ADAMTS3: variants seen among roughly 807,000 people sequenced by gnomAD.
ADAMTS3 encodes A disintegrin and metalloproteinase with thrombospondin motifs 3.
Under a neutral mutation model 129.0 loss-of-function variants are expected in ADAMTS3, and 73 were observed. That is an observed-to-expected ratio of 0.57 (90% CI 0.47 to 0.69). The LOEUF is 0.69. Among genes scored for constraint, ADAMTS3 ranks in the 30% least tolerant of loss-of-function variants. The pLI, the probability that ADAMTS3 is intolerant of heterozygous loss-of-function variation, is 0.00. For missense variants in ADAMTS3, 1,457 were observed against 1,514.5 expected, an observed-to-expected ratio of 0.96 and a Z score of 0.63; for synonymous variants, 477 against 510.8, an observed-to-expected ratio of 0.93 and a Z score of 0.89.
chr4:72,346,861 T>C (rs1002804824), intron 4 of ADAMTS3, among the ~76,000 whole-genome samples: 2 of 152,070 alleles, frequency 1.3e-5, no homozygotes, highest in African/African-American at 2.4e-5. Context: ...TCATCTCACT[T>C]TTCTCCTCTA....
At chr4:72,305,887 CAT>C (rs1187626184) in intron 16 of ADAMTS3, 98 bp downstream of exon 16, 3 of 967,698 alleles carry the variant, frequency 3.1e-6, no homozygotes, top group African/African-American at 3.3e-5. Flanking sequence ...TACGTATGCA[CAT>C]ATATGTGTAC....
At chr4:72,510,759 C>T (rs1235899798) in intron 3 of ADAMTS3, among the ~76,000 whole-genome samples, 2 of 125,828 alleles carry the variant, frequency 1.6e-5, no homozygotes, top group African/African-American at 3.0e-5. Context: ...ATAGAAAAAT[C>T]AATCCTAAAA....
At chr4:72,452,057 C>A (rs1413787442) in intron 3 of ADAMTS3, among the ~76,000 whole-genome samples, 3 of 151,720 alleles carry the variant, frequency 2.0e-5, no homozygotes, top group Non-Finnish European at 4.4e-5. Flanking sequence ...CCACTGCACT[C>A]CATGCACTCC....
chr4:72,406,197 A>C (rs994169238), intron 4 of ADAMTS3, among the ~76,000 whole-genome samples: 2 of 152,126 alleles, frequency 1.3e-5, no homozygotes, highest in African/African-American at 4.8e-5. Flanking sequence ...TGTACTAATG[A>C]CAGCAGACTA....
At position 72,548,772 on chromosome 4, in the gene ADAMTS3, C is replaced by A; in HGVS notation, c.210G>T (p.Ala70=). The A allele has an allele frequency of 6.2e-7, 1 of 1,613,918 alleles. No individual in the cohort carries two copies. Among genetic ancestry groups the A allele is most frequent in the South Asian group, 1.1e-5 (1 of 91,074 alleles). Residue 70 remains alanine, a synonymous_variant, in exon 3 of 22, where the codon GCG becomes GCT. Transcript: ENST00000286657. ...TLSASHKKRS[A]RDVSSNPEQL... is the part of the protein sequence containing the mutation. ...GCTCAGGGTTGGAAGACACGTCCCT[C>A]GCTGACCTCTTTTTGTGACTCGCAG... is the stretch of plus-strand genomic sequence containing the variant.
Position 72,369,758 on chromosome 4 carries a change from C to T in ADAMTS3, c.662-30065G>A, listed in dbSNP as rs1209127860. Among the ~76,000 whole-genome samples the T allele has an allele frequency of 6.1e-5, 8 of 130,380 alleles. No individual in the cohort carries two copies. In the East Asian group the frequency reaches 1.8e-3, roughly 30 times the overall value. The allele number at this position is 130,380 out of a possible 152,430, so 85.5% of individuals were successfully genotyped here. ...AAAAAAAAAATAAACAGACAAAGTA[C>T]AAAAAAAAAAAACTTTGAAGGTGTT... On this transcript the variant is annotated intron_variant, in intron 4 of 21. Coordinates refer to ENST00000286657, the MANE Select transcript of ADAMTS3 (RefSeq NM_014243.3).
chr4:72,557,943 CATT>C (rs752799472), intron 2 of ADAMTS3, among the ~76,000 whole-genome samples: 1 of 151,796 alleles, frequency 6.6e-6, no homozygotes, highest in Non-Finnish European at 1.5e-5. Flanking sequence ...TATTTAGCAT[CATT>C]AAGAATCTTA....
chr4:72,518,879 T>C (rs1167538954), intron 3 of ADAMTS3, among the ~76,000 whole-genome samples: 1 of 152,004 alleles, frequency 6.6e-6, no homozygotes, highest in Non-Finnish European at 1.5e-5. Flanking sequence ...ATCCTGTCAT[T>C]ATGATGTTAG....
intron 3 of ADAMTS3, among the ~76,000 whole-genome samples, chr4:72,462,091 C>T (rs1052088210): frequency 7.2e-5 from 11 of 151,746 alleles, no homozygotes; most frequent in African/African-American, 2.7e-4. Context: ...AGAGTTATGA[C>T]TTTAAAAACA....
At chr4:72,512,277 A>C (rs1233034904) in intron 3 of ADAMTS3, among the ~76,000 whole-genome samples, 1 of 152,102 alleles carries the variant, frequency 6.6e-6, no homozygotes, top group Non-Finnish European at 1.5e-5. Flanking sequence ...GGATCACTTG[A>C]GGTCAGGAGT....
At chr4:72,338,489 C>T (rs1720045593) in intron 5 of ADAMTS3, among the ~76,000 whole-genome samples, 1 of 151,966 alleles carries the variant, frequency 6.6e-6, no homozygotes, top group African/African-American at 2.4e-5. Flanking sequence ...CTCAATAGAC[C>T]AAAATATAAT....
chr4:72,537,031 A>T (rs1472755833), intron 3 of ADAMTS3, among the ~76,000 whole-genome samples: 1 of 152,232 alleles, frequency 6.6e-6, no homozygotes, highest in Non-Finnish European at 1.5e-5. Context: ...CTGTCTGATG[A>T]TAGGATTTTG....
At chr4:72,330,511 CCTTCTT>C (rs1719817470) in intron 5 of ADAMTS3, 1 of 152,178 alleles carries the variant, frequency 6.6e-6, no homozygotes. Context: ...ATCCTTGATT[CCTTCTT>C]CTTCAAGTAT....
At chr4:72,530,640 TTA>T (rs1204953792) in intron 3 of ADAMTS3, among the ~76,000 whole-genome samples, 2 of 82,090 alleles carry the variant, frequency 2.4e-5, no homozygotes, top group African/African-American at 9.7e-5. Flanking sequence ...ATATAATATA[TTA>T]TATATAATAT....
intron 3 of ADAMTS3, among the ~76,000 whole-genome samples, chr4:72,454,586 ATAT>A (rs1356907366): frequency 1.3e-5 from 2 of 151,716 alleles, no homozygotes; most frequent in East Asian, 2.0e-4. Context: ...ACACTAGCTA[ATAT>A]TATTATTGTT....
intron 4 of ADAMTS3, among the ~76,000 whole-genome samples, chr4:72,407,383 G>C (rs1302438631): frequency 6.6e-6 from 1 of 152,008 alleles, no homozygotes; most frequent in Non-Finnish European, 1.5e-5. Context: ...TTTATTATTT[G>C]TTTCACCTTT....
chr4:72,386,756 T>C (rs1046674764), intron 4 of ADAMTS3, among the ~76,000 whole-genome samples: 3 of 152,180 alleles, frequency 2.0e-5, no homozygotes, highest in Non-Finnish European at 4.4e-5. Flanking sequence ...TAAATCTAGG[T>C]GGTCCTACTC....
intron 3 of ADAMTS3, among the ~76,000 whole-genome samples, chr4:72,489,225 T>C (rs1323520300): frequency 6.6e-6 from 1 of 151,980 alleles, no homozygotes; most frequent in Admixed American, 6.6e-5. Flanking sequence ...CTGCAATGAA[T>C]ATGAAAGTGC....
chr4:72,392,316 T>C (rs1449190723), intron 4 of ADAMTS3, among the ~76,000 whole-genome samples: 1 of 152,008 alleles, frequency 6.6e-6, no homozygotes, highest in Non-Finnish European at 1.5e-5. Flanking sequence ...TAATTAATGA[T>C]GGCACTGTAA....
Sources: gnomAD v4.1 joint callset for allele counts (sites outside exome capture counted in the v4.1 genomes callset) on GRCh38, gnomAD v4.1.1 for gene constraint, MANE v1.5 for transcripts, NCBI Gene and HGNC (gene_info 2026-07-23, HGNC 2026-07-21) for gene names.